Variants in AIRE observed in about 807,000 individuals in gnomAD.
AIRE encodes autoimmune regulator.
In AIRE, 52 loss-of-function variants were observed where a neutral mutation model predicts 62.1. The observed-to-expected ratio is 0.84, with a 90% CI of 0.67 to 1.06. The LOEUF is 1.06. Ranked by LOEUF, AIRE falls within the 50% of genes least tolerant of loss-of-function variation. AIRE has a pLI of 0.00. For synonymous variants in AIRE, 342 were observed against 321.6 expected (o/e 1.06, Z -0.68); for missense variants, 774 against 755.8 (o/e 1.02, Z -0.28).
At chr21:44,290,852 G>A in intron 7 of AIRE, 1 of 1,594,088 alleles carries the variant, frequency 6.3e-7, no homozygotes, top group Non-Finnish European at 8.6e-7. Context: ...GCAGCAGCCT[G>A]CAAGAAACCG....
At chr21:44,295,075 G>A (rs767365037) in intron 12 of AIRE, among the ~76,000 whole-genome samples, 7 of 151,912 alleles carry the variant, frequency 4.6e-5, no homozygotes, top group Non-Finnish European at 8.8e-5. Flanking sequence ...GGGGAGGCCC[G>A]AGTCGCTGCT....
rs2040486668 is a variant in AIRE at position 44,286,774 on chromosome 21, C to G, written c.307+43C>G. The G allele has an allele frequency of 6.2e-7, 1 of 1,603,358 alleles. No individual in the cohort carries two copies. The highest frequency in any genetic ancestry group is 1.3e-5 in the African/African-American group (1 of 74,830). ...CAGCCATGCTGGGGGCCTGGGGCAG[C>G]TGCTGTCACCTGCTCAGCCCAGCTG... is the stretch of plus-strand genomic sequence containing the variant. On this transcript the variant is annotated intron_variant, in intron 2 of 13. Transcript: ENST00000291582. The surrounding 1 kb of genome is among the most constrained non-coding windows in gnomAD (Gnocchi z 6.0).
chr21:44,289,492 G>GTGGTCGCCGTATCATTAAAAA, intron 5 of AIRE, 165 bp from the exon 6 acceptor site: 2 of 763,372 alleles, frequency 2.6e-6, no homozygotes, highest in Non-Finnish European at 3.9e-6. Flanking sequence ...GTAGATCCAG[G>GTGGTCGCCGTATCATTAAAAA]ACAATCCCCG....
intron 6 of AIRE, 83 bp from the exon 7 acceptor site, chr21:44,289,905 T>C: frequency 6.2e-7 from 1 of 1,603,320 alleles, no homozygotes; most frequent in South Asian, 1.1e-5. Context: ...TGGGGGCTGC[T>C]GCCGAGAGAC....
chr21:44,291,915 G>C (rs2040544684), intron 8 of AIRE, among the ~76,000 whole-genome samples: 1 of 152,184 alleles, frequency 6.6e-6, no homozygotes, highest in African/African-American at 2.4e-5. Flanking sequence ...GTTCCTCCTT[G>C]CCGTCTCTTT....
At position 44,286,469 on chromosome 21, in the gene AIRE, G is replaced by T; in HGVS notation, c.133-88G>T. Reference sequence around the variant, plus strand: ...TCCAGGTCGCCAGCGCCTCTGCCTGGGAGCTCCACCCTCTAGTCATGATGG... The same window carrying T: ...TCCAGGTCGCCAGCGCCTCTGCCTGTGAGCTCCACCCTCTAGTCATGATGG... On this transcript the variant is annotated intron_variant, in intron 1 of 13. Transcript: ENST00000291582. This position sits in a 1 kb window ranked among gnomAD's most constrained non-coding sequence, Gnocchi z 6.0. The T allele has an allele frequency of 7.0e-7, 1 of 1,431,270 alleles. No homozygotes were observed. Among genetic ancestry groups the T allele is most frequent in the South Asian group, 1.3e-5 (1 of 75,774 alleles). 88.7% of individuals were successfully genotyped at this position (1,431,270 alleles called of 1,614,324 possible).
At chr21:44,296,601 G>A (rs1195816957) in intron 13 of AIRE, among the ~76,000 whole-genome samples, 156 bp downstream of exon 13, 1 of 151,312 alleles carries the variant, frequency 6.6e-6, no homozygotes, top group Non-Finnish European at 1.5e-5. Context: ...AGGAGCCCCA[G>A]TGCTGCTGAG....
intron 7 of AIRE, 58 bp downstream of exon 7, chr21:44,290,126 C>T (rs1317837492): frequency 1.3e-6 from 2 of 1,568,752 alleles, no homozygotes; most frequent in Non-Finnish European, 1.7e-6. Flanking sequence ...TCGGGTGGGT[C>T]CTGCTGCCTC....
Position 44,289,643 on chromosome 21 carries a change from G to A in AIRE, c.653-14G>A. 6.2e-7 allele frequency: 1 copy of A among 1,612,686 alleles called. No individual in the cohort carries two copies. Among genetic ancestry groups the A allele is most frequent in the Non-Finnish European group, 8.5e-7 (1 of 1,179,880 alleles). On this transcript the variant is annotated splice_polypyrimidine_tract_variant and intron_variant, in intron 5 of 13. Coordinates refer to ENST00000291582, the MANE Select transcript of AIRE (RefSeq NM_000383.4). ...TGGGCGGGTGAGCCAGGACCAGCCG[G>A]CATCTCCTCCCAGGCGGCTCCAAGA...
In AIRE at chr21:44,297,566, T is replaced by C; in HGVS notation, c.1567-90T>C. The C allele has an allele frequency of 4.8e-6, 6 of 1,245,758 alleles. No homozygotes were observed. In the South Asian group the frequency reaches 7.3e-5, roughly 15 times the overall value. The allele number at this position is 1,245,758 out of a possible 1,614,324, so 77.2% of individuals were successfully genotyped here. A position where few individuals can be genotyped will look rare whatever the true frequency, so the allele number is the denominator to read the frequency against. ...CCCCACCTTTGACTTAGAGGGAAGG[T>C]TGGATGGTGACTTCTTGTAACGATG... On this transcript the variant is annotated intron_variant, in intron 13 of 13. Coordinates refer to ENST00000291582, the MANE Select transcript of AIRE (RefSeq NM_000383.4). This position sits in a 1 kb window ranked among gnomAD's most constrained non-coding sequence, Gnocchi z 4.8.
Position 44,287,402 on chromosome 21 carries a change from G to A in AIRE, c.464-115G>A, listed in dbSNP as rs1417359687. ...TGATGAGAAACCAGAGCCCGGCAAA[G>A]GGACTACCCAGCACTGGACCGCCCC... On this transcript the variant is annotated intron_variant, in intron 3 of 13. Coordinates refer to ENST00000291582, the MANE Select transcript of AIRE (RefSeq NM_000383.4). This position sits in a 1 kb window ranked among gnomAD's most constrained non-coding sequence, Gnocchi z 4.3. 2.6e-6 allele frequency: 2 copies of A among 764,088 alleles called. No individual in the cohort carries two copies. The highest frequency in any genetic ancestry group is 4.4e-6 in the Non-Finnish European group (2 of 456,666). The allele number at this position is 764,088 out of a possible 1,614,324, so 47.3% of individuals were successfully genotyped here. A position where few individuals can be genotyped will look rare whatever the true frequency, so the allele number is the denominator to read the frequency against.
At position 44,297,683 on chromosome 21, in the gene AIRE, G is replaced by A; in HGVS notation, c.1594G>A (p.Ala532Thr). The A allele has an allele frequency of 1.2e-6, 2 of 1,612,450 alleles. No homozygotes were observed. The highest frequency in any genetic ancestry group is 2.2e-5 in the South Asian group (2 of 91,088). ...CACCTTCGATGGCATCCTGCAGTGG[G>A]CCATCCAGAGCATGGCCCGTCCGGC... ...EHTFDGILQW[A>T]IQSMARPAAP... Residue 532 changes from alanine (A) to threonine (T), a missense_variant, in exon 14 of 14, where the codon GCC becomes ACC. Ala to Thr is a moderately conservative substitution (Grantham distance 58). Transcript: ENST00000291582. This position sits in a 1 kb window ranked among gnomAD's most constrained non-coding sequence, Gnocchi z 4.8.
chr21:44,292,908 G>A (rs1190113799), intron 9 of AIRE, 85 bp from the exon 10 acceptor site: 8 of 1,361,926 alleles, frequency 5.9e-6, no homozygotes, highest in Non-Finnish European at 8.3e-6. Flanking sequence ...GCTGCCCTGG[G>A]TTTCAGGGTC....
At position 44,293,193 on chromosome 21, in the gene AIRE, G is replaced by T. The variant is rs762245968; in HGVS notation, c.1278+18G>T. On this transcript the variant is annotated intron_variant, in intron 10 of 13. Transcript: ENST00000291582. ...GTCAGCAGGTGAGCGGGGAGTGGGG[G>T]TCAGGGTGGGCTCTTCAAGGAGCCC... The T allele has an allele frequency of 6.5e-7, 1 of 1,538,132 alleles. No individual in the cohort carries two copies. The highest frequency in any genetic ancestry group is 1.2e-5 in the South Asian group (1 of 83,486).
intron 5 of AIRE, 34 bp from the exon 6 acceptor site, chr21:44,289,623 G>A (rs779005908): frequency 4.8e-5 from 78 of 1,611,810 alleles, no homozygotes; most frequent in Non-Finnish European, 5.7e-5. Context: ...CCTGCTGGGC[G>A]GGTGAGCCAG....
chr21:44,295,344 C>G (rs1403050045), intron 12 of AIRE, among the ~76,000 whole-genome samples: 1 of 152,210 alleles, frequency 6.6e-6, no homozygotes, highest in Non-Finnish European at 1.5e-5. Context: ...GACAGGCTTC[C>G]CCGGCATGCA....
At chr21:44,289,945 C>A in intron 6 of AIRE, 43 bp from the exon 7 acceptor site, 1 of 1,599,504 alleles carries the variant, frequency 6.3e-7, no homozygotes, top group Non-Finnish European at 8.5e-7. Context: ...TGCACCCTCG[C>A]TGCTGAGGCT....
In AIRE at chr21:44,286,277, A is replaced by T; in HGVS notation, c.132+139A>T. ...CCCAACTCCCTCCCCACAAGGAGCC[A>T]GGGGCGTCCCTGATGACAAGTTAGA... On this transcript the variant is annotated intron_variant, in intron 1 of 13. Coordinates refer to ENST00000291582, the MANE Select transcript of AIRE (RefSeq NM_000383.4). This position sits in a 1 kb window ranked among gnomAD's most constrained non-coding sequence, Gnocchi z 6.0. 1.0e-6 allele frequency: 1 copy of T among 954,212 alleles called. No homozygotes were observed. The highest frequency in any genetic ancestry group is 1.5e-6 in the Non-Finnish European group (1 of 661,416). The allele number at this position is 954,212 out of a possible 1,614,324, so 59.1% of individuals were successfully genotyped here. A position where few individuals can be genotyped will look rare whatever the true frequency, so the allele number is the denominator to read the frequency against.
intron 12 of AIRE, 87 bp from the exon 13 acceptor site, chr21:44,296,295 AC>A: frequency 8.4e-7 from 1 of 1,189,356 alleles, no homozygotes. Flanking sequence ...TGGGGGAAAC[AC>A]CCCCGCGGCC....
Sources: allele counts gnomAD v4.1 joint callset (sites outside exome capture counted in the v4.1 genomes callset), GRCh38; gene constraint gnomAD v4.1.1; non-coding constraint Gnocchi (gnomAD v3.1); transcripts MANE v1.5; gene names NCBI Gene and HGNC (gene_info 2026-07-23, HGNC 2026-07-21).